Variants in ZNF469 observed in about 807,000 individuals in gnomAD.
ZNF469 encodes zinc finger protein 469.
In ZNF469, 1 loss-of-function variant was observed where a neutral mutation model predicts 1.0. The ratio of observed to expected loss-of-function variants is 1.00; its 90% CI spans 0.35 to 4.73. The LOEUF is 4.73. ZNF469 is among the 30% of genes most tolerant of loss of function. The probability of loss-of-function intolerance (pLI) is 0.16; values close to 1 mark genes in which losing one functional copy is unlikely to be tolerated. For synonymous variants in ZNF469, 2,703 were observed against 2,363.4 expected (o/e 1.14, Z -4.17); for missense variants, 6,100 against 5,356.3 (o/e 1.14, Z -4.33).
At chr16:88,289,106 T>C in the ZNF469 span, among the ~76,000 whole-genome samples, 2 of 151,786 alleles carry the variant, frequency 1.3e-5, no homozygotes, top group Non-Finnish European at 2.9e-5. Flanking sequence ...ATGAGGGTGA[T>C]GATGGTAACA....
chr16:88,142,351 G>A, the ZNF469 span, among the ~76,000 whole-genome samples: 1 of 152,242 alleles, frequency 6.6e-6, no homozygotes, highest in South Asian at 2.1e-4. Flanking sequence ...TCCTGGCCCT[G>A]GCCCTGCCAT....
chr16:88,202,020 T>G, the ZNF469 span, among the ~76,000 whole-genome samples: 1 of 152,076 alleles, frequency 6.6e-6, no homozygotes, highest in Non-Finnish European at 1.5e-5. Flanking sequence ...CTCCACTAAC[T>G]CGGAGGTTCT....
chr16:88,346,202 G>A, the ZNF469 span, among the ~76,000 whole-genome samples: 1 of 152,250 alleles, frequency 6.6e-6, no homozygotes, highest in Admixed American at 6.5e-5. Flanking sequence ...CGATTCTCCA[G>A]TGGTTTCCAG....
intron 1 of ZNF469, among the ~76,000 whole-genome samples, chr16:88,396,266 G>A (rs903412563): frequency 6.6e-6 from 1 of 152,288 alleles, no homozygotes; most frequent in South Asian, 2.1e-4. Context: ...AGACAGGGCC[G>A]GCAGGTATCT....
the ZNF469 span, among the ~76,000 whole-genome samples, chr16:88,261,996 C>T: frequency 6.6e-6 from 1 of 152,204 alleles, no homozygotes; most frequent in African/African-American, 2.4e-5. This position sits in a 1 kb window ranked among gnomAD's most constrained non-coding sequence, Gnocchi z 6.0. Flanking sequence ...CCTCTCCCTC[C>T]CACCATCTGT....
the ZNF469 span, among the ~76,000 whole-genome samples, chr16:88,305,076 C>A: frequency 6.6e-6 from 1 of 152,160 alleles, no homozygotes; most frequent in Non-Finnish European, 1.5e-5. Flanking sequence ...CCACACAGAG[C>A]AAATGCAGTG....
chr16:88,275,303 C>A, the ZNF469 span, among the ~76,000 whole-genome samples: 1 of 152,206 alleles, frequency 6.6e-6, no homozygotes, highest in Non-Finnish European at 1.5e-5. Flanking sequence ...CATGCAAAGA[C>A]CCCAGCCTCC....
the ZNF469 span, among the ~76,000 whole-genome samples, chr16:88,210,959 G>T: frequency 7.2e-5 from 11 of 152,212 alleles, no homozygotes; most frequent in Non-Finnish European, 1.3e-4. Context: ...TTGGTATTGG[G>T]CGGGGTTGCC....
intron 1 of ZNF469, among the ~76,000 whole-genome samples, chr16:88,411,173 T>G (rs1905150489): frequency 6.6e-6 from 1 of 152,148 alleles, no homozygotes; most frequent in Non-Finnish European, 1.5e-5. Flanking sequence ...GGGACACACC[T>G]CAGCCCACAC....
At chr16:88,136,345 C>T in the ZNF469 span, among the ~76,000 whole-genome samples, 1 of 152,234 alleles carries the variant, frequency 6.6e-6, no homozygotes, top group Non-Finnish European at 1.5e-5. Flanking sequence ...TTTGTTAACT[C>T]AGATTGCTGG....
At chr16:88,380,046 GTCACACACACACATAC>G (rs1353239149), upstream of ZNF469, among the ~76,000 whole-genome samples, 1 of 152,018 alleles carries the variant, frequency 6.6e-6, no homozygotes, top group Non-Finnish European at 1.5e-5. Flanking sequence ...TACACATGCA[GTCACACACACACATAC>G]TCACACACAG....
the ZNF469 span, among the ~76,000 whole-genome samples, chr16:88,281,331 G>C: frequency 6.0e-4 from 90 of 149,878 alleles, no homozygotes; most frequent in African/African-American, 2.1e-3. Flanking sequence ...GCTGATGTCG[G>C]TGCACAGGTT....
At chr16:88,293,297 A>AATGG in the ZNF469 span, among the ~76,000 whole-genome samples, 1 of 147,302 alleles carries the variant, frequency 6.8e-6, no homozygotes, top group Non-Finnish European at 1.5e-5. Flanking sequence ...CACGTGAGTG[A>AATGG]ATGGATGGAT....
At chr16:88,302,008 G>A in the ZNF469 span, among the ~76,000 whole-genome samples, 1 of 152,230 alleles carries the variant, frequency 6.6e-6, no homozygotes, top group Non-Finnish European at 1.5e-5. Flanking sequence ...CTGAGGCTCA[G>A]GGAAGCCCTG....
the ZNF469 span, among the ~76,000 whole-genome samples, chr16:88,121,975 G>A: frequency 2.4e-4 from 36 of 152,130 alleles, no homozygotes; most frequent in South Asian, 7.1e-3. Context: ...CAAATAAACA[G>A]TGTAGACACT....
chr16:88,368,506 C>A, the ZNF469 span, among the ~76,000 whole-genome samples: 1 of 152,176 alleles, frequency 6.6e-6, no homozygotes, highest in Admixed American at 6.5e-5. Context: ...CTGGGAGCAG[C>A]CTCTGGGGAG....
the ZNF469 span, among the ~76,000 whole-genome samples, chr16:88,209,876 G>A: frequency 6.6e-6 from 1 of 152,172 alleles, no homozygotes; most frequent in East Asian, 1.9e-4. Context: ...ATAAACCTGT[G>A]CATCTGTTTT....
Position 88,433,284 on chromosome 16 carries a change from A to G in ZNF469, c.5814A>G (p.Ser1938=), listed in dbSNP as rs1022170449. The change falls in exon 3 of 3, where the codon TCA becomes TCG. Residue 1938 remains serine (S), a synonymous_variant. Coordinates refer to ENST00000565624, the MANE Select transcript of ZNF469 (RefSeq NM_001367624.2). The stretch of plus-strand genomic sequence containing the variant: ...AGAGCCCTCCACGAGTGAACCCCTC[A>G]GGTCTGGAAGGGGGCACTGTGGAAG... ...AAQSPPRVNP[S]GLEGGTVEGG... 1.3e-6 allele frequency: 2 copies of G among 1,550,224 alleles called. No homozygotes were observed. Among genetic ancestry groups the G allele is most frequent in the African/African-American group, 2.7e-5 (2 of 73,044 alleles).
the ZNF469 span, among the ~76,000 whole-genome samples, chr16:88,260,992 C>T: frequency 2.6e-5 from 4 of 152,258 alleles, no homozygotes; most frequent in South Asian, 2.1e-4. The surrounding 1 kb of genome is among the most constrained non-coding windows in gnomAD (Gnocchi z 4.1). Flanking sequence ...GACAGAAACA[C>T]GGCGGAGAGG....
Sources: gnomAD v4.1 joint callset for allele counts (sites outside exome capture counted in the v4.1 genomes callset) on GRCh38, gnomAD v4.1.1 for gene constraint, Gnocchi (gnomAD v3.1) non-coding constraint, MANE v1.5 for transcripts, NCBI Gene and HGNC (gene_info 2026-07-23, HGNC 2026-07-21) for gene names.